Variants in ATP8B4 observed in about 807,000 individuals in gnomAD.
The protein encoded by ATP8B4 is probable phospholipid-transporting ATPase IM.
Under a neutral mutation model 145.6 loss-of-function variants are expected in ATP8B4, and 133 were observed. The ratio of observed to expected loss-of-function variants is 0.91; its 90% confidence interval spans 0.79 to 1.05. The LOEUF (loss-of-function observed/expected upper bound fraction) is 1.05. Ranked by LOEUF, ATP8B4 falls within the 50% of genes least tolerant of loss-of-function variation. ATP8B4 has a pLI of 0.00. For synonymous variants in ATP8B4, 507 were observed against 492.9 expected (o/e 1.03, Z -0.38); for missense variants, 1,458 against 1,425.2 (o/e 1.02, Z -0.37).
At chr15:50,076,139 T>C (rs781259615) in intron 2 of ATP8B4, among the ~76,000 whole-genome samples, 10 of 152,192 alleles carry the variant, frequency 6.6e-5, no homozygotes, top group Non-Finnish European at 1.0e-4. Context: ...TAGAATTCTA[T>C]AGTTCTGTAC....
At chr15:50,132,088 C>T (rs1211783208) in intron 1 of ATP8B4, among the ~76,000 whole-genome samples, 1 of 151,844 alleles carries the variant, frequency 6.6e-6, no homozygotes, top group African/African-American at 2.4e-5. Context: ...AACAATTGGC[C>T]TGTGGTTTGG....
intron 1 of ATP8B4, among the ~76,000 whole-genome samples, chr15:50,172,928 G>A (rs1389880640): frequency 6.7e-6 from 1 of 149,972 alleles, no homozygotes; most frequent in Admixed American, 6.6e-5. Context: ...TCCGGGAAGT[G>A]AGGAGCGTCT....
chr15:50,027,561 A>G (rs1419496429), intron 6 of ATP8B4, among the ~76,000 whole-genome samples: 4 of 152,112 alleles, frequency 2.6e-5, no homozygotes, highest in Admixed American at 2.0e-4. Flanking sequence ...TTAAATCTCC[A>G]CTGCTGTTTG....
chr15:49,931,701 A>G (rs2041273198), intron 15 of ATP8B4, among the ~76,000 whole-genome samples: 1 of 152,134 alleles, frequency 6.6e-6, no homozygotes, highest in Middle Eastern at 3.4e-3. Context: ...TTTGAGGTAG[A>G]GATTATTAAA....
At chr15:49,966,253 G>T (rs965279414) in intron 13 of ATP8B4, among the ~76,000 whole-genome samples, 1 of 152,196 alleles carries the variant, frequency 6.6e-6, no homozygotes, top group Non-Finnish European at 1.5e-5. Flanking sequence ...GTGGCACCTG[G>T]AATGCCAGTG....
At chr15:49,897,555 G>GC (rs2037539759) in intron 22 of ATP8B4, 40 bp from the exon 23 acceptor site, 1 of 1,412,722 alleles carries the variant, frequency 7.1e-7, no homozygotes, top group African/African-American at 1.4e-5. Context: ...CCAAAACAAA[G>GC]CCACGATCTC....
intron 20 of ATP8B4, among the ~76,000 whole-genome samples, chr15:49,905,579 C>G (rs969998347): frequency 6.6e-6 from 1 of 152,120 alleles, no homozygotes; most frequent in Non-Finnish European, 1.5e-5. Context: ...TGTTGCCTCT[C>G]TGTCTTATAC....
At chr15:49,943,707 G>A (rs1326776880) in intron 14 of ATP8B4, among the ~76,000 whole-genome samples, 1 of 152,158 alleles carries the variant, frequency 6.6e-6, no homozygotes, top group East Asian at 1.9e-4. Flanking sequence ...TGCCTTACAA[G>A]AAATGCCAAA....
At chr15:50,127,891 T>C (rs991185041) in intron 1 of ATP8B4, among the ~76,000 whole-genome samples, 1 of 152,304 alleles carries the variant, frequency 6.6e-6, no homozygotes, top group Non-Finnish European at 1.5e-5. Context: ...AAGGTGTGCC[T>C]CACTGTGGTT....
chr15:50,016,789 G>A (rs979140289), intron 6 of ATP8B4, among the ~76,000 whole-genome samples: 1 of 152,212 alleles, frequency 6.6e-6, no homozygotes, highest in Non-Finnish European at 1.5e-5. Flanking sequence ...CAGCACTCCT[G>A]ACAGCTGGGA....
At chr15:49,975,092 A>C (rs2045549780) in intron 12 of ATP8B4, among the ~76,000 whole-genome samples, 1 of 152,302 alleles carries the variant, frequency 6.6e-6, no homozygotes, top group East Asian at 1.9e-4. Flanking sequence ...CATTTGAATC[A>C]ATGTATTAAT....
intron 25 of ATP8B4, among the ~76,000 whole-genome samples, chr15:49,872,441 G>A (rs907891974): frequency 9.2e-5 from 14 of 152,140 alleles, no homozygotes; most frequent in African/African-American, 3.4e-4. Context: ...AGGCACTAGA[G>A]TATGGAAAGG....
chr15:50,111,627 C>T (rs962888822), intron 1 of ATP8B4, among the ~76,000 whole-genome samples: 1 of 152,194 alleles, frequency 6.6e-6, no homozygotes, highest in Non-Finnish European at 1.5e-5. Flanking sequence ...TTTGGGGCCA[C>T]ACGCCCTGTT....
intron 23 of ATP8B4, among the ~76,000 whole-genome samples, chr15:49,890,764 C>T (rs779367180): frequency 4.6e-5 from 7 of 152,166 alleles, no homozygotes; most frequent in Non-Finnish European, 1.0e-4. Context: ...CAGTGAAAAA[C>T]AGGGAATGGA....
chr15:50,129,530 C>T (rs147960935), intron 1 of ATP8B4, among the ~76,000 whole-genome samples: 2 of 152,254 alleles, frequency 1.3e-5, no homozygotes, highest in East Asian at 1.9e-4. Context: ...TTATATGGCC[C>T]TCTTATCAGG....
intron 3 of ATP8B4, among the ~76,000 whole-genome samples, chr15:50,061,874 A>G (rs2053052229): frequency 6.6e-6 from 1 of 152,204 alleles, no homozygotes; most frequent in African/African-American, 2.4e-5. Flanking sequence ...ACTTTAAGAA[A>G]AGAAATGCAT....
At chr15:50,115,983 T>C (rs2057149472) in intron 1 of ATP8B4, among the ~76,000 whole-genome samples, 1 of 152,198 alleles carries the variant, frequency 6.6e-6, no homozygotes, top group African/African-American at 2.4e-5. Flanking sequence ...TGTCTCTCTG[T>C]GCCAGTCCAG....
At chr15:50,134,011 G>A (rs1417215855) in intron 1 of ATP8B4, among the ~76,000 whole-genome samples, 2 of 152,028 alleles carry the variant, frequency 1.3e-5, no homozygotes, top group Non-Finnish European at 2.9e-5. Flanking sequence ...GTAACTGTGT[G>A]GTGATTGGAT....
intron 3 of ATP8B4, among the ~76,000 whole-genome samples, chr15:50,068,055 T>C (rs537581988): frequency 1.3e-5 from 2 of 152,228 alleles, no homozygotes; most frequent in African/African-American, 2.4e-5. Flanking sequence ...GAAACACAGA[T>C]ACATTATTAT....
Sources: allele counts gnomAD v4.1 joint callset (sites outside exome capture counted in the v4.1 genomes callset), GRCh38; gene constraint gnomAD v4.1.1; transcripts MANE v1.5; gene names NCBI Gene and HGNC (gene_info 2026-07-23, HGNC 2026-07-21).